IYD: variants seen among roughly 807,000 people sequenced by gnomAD.
IYD encodes the protein iodotyrosine deiodinase, also known as iodotyrosine deiodinase 1.
Under a neutral mutation model 28.4 loss-of-function variants are expected in IYD, and 25 were observed. The observed-to-expected ratio is 0.88, with a 90% CI of 0.64 to 1.23. IYD has a LOEUF of 1.23. IYD is among the 50% of genes most tolerant of loss of function. The pLI is 0.00. For missense variants in IYD, 352 were observed against 357.9 expected (o/e 0.98, Z 0.13); for synonymous variants, 140 against 130.8 (o/e 1.07, Z -0.48).
At chr6:150,391,875 A>C (rs1778132498) in intron 2 of IYD, among the ~76,000 whole-genome samples, 1 of 151,022 alleles carries the variant, frequency 6.6e-6, no homozygotes, top group Non-Finnish European at 1.5e-5. Context: ...CACCCGGGTA[A>C]TTTTTCTATT....
chr6:150,395,324 C>A, intron 4 of IYD: 2 of 1,063,594 alleles, frequency 1.9e-6, no homozygotes, highest in Non-Finnish European at 2.7e-6. Flanking sequence ...AGAGCTTCTT[C>A]ACTATCTCAA....
At chr6:150,391,354 A>G (rs1460934166) in intron 2 of IYD, among the ~76,000 whole-genome samples, 1 of 152,194 alleles carries the variant, frequency 6.6e-6, no homozygotes, top group East Asian at 1.9e-4. Flanking sequence ...TTGCCTTTTG[A>G]AGAGTGTTTT....
intron 2 of IYD, 87 bp downstream of exon 2, chr6:150,389,630 T>G: frequency 3.4e-6 from 4 of 1,175,096 alleles, no homozygotes; most frequent in Non-Finnish European, 3.8e-6. Flanking sequence ...AGTTTAAACA[T>G]AGCGAATAAA....
intron 3 of IYD, among the ~76,000 whole-genome samples, chr6:150,393,183 AGGGGG>A (rs1778188965): frequency 1.3e-5 from 2 of 152,212 alleles, no homozygotes. Context: ...CAATAACCAC[AGGGGG>A]TGGGTACACA....
At chr6:150,393,801 T>G (rs1177648092) in intron 3 of IYD, among the ~76,000 whole-genome samples, 1 of 152,218 alleles carries the variant, frequency 6.6e-6, no homozygotes, top group East Asian at 1.9e-4. Context: ...CTGCCATCCT[T>G]GCCTTCTCCC....
At chr6:150,381,796 A>G (rs1197239856) in intron 1 of IYD, among the ~76,000 whole-genome samples, 1 of 152,230 alleles carries the variant, frequency 6.6e-6, no homozygotes, top group Non-Finnish European at 1.5e-5. Flanking sequence ...TATAATGCAA[A>G]GCAGGTTAGG....
At chr6:150,370,735 TC>T (rs1414735186) in intron 1 of IYD, 2 of 881,890 alleles carry the variant, frequency 2.3e-6, no homozygotes, top group East Asian at 2.4e-4. Flanking sequence ...AAGGCGTGGA[TC>T]AGAGTAAAGT....
At chr6:150,398,012 C>T (rs767227607) in intron 4 of IYD, 43 bp from the exon 5 acceptor site, 14 of 1,568,404 alleles carry the variant, frequency 8.9e-6, no homozygotes, top group Non-Finnish European at 7.9e-6. Flanking sequence ...AGCAGTCATT[C>T]TGCCTGCTGA....
chr6:150,371,579 A>G (rs898863690), intron 1 of IYD, among the ~76,000 whole-genome samples: 10 of 152,232 alleles, frequency 6.6e-5, no homozygotes, highest in Non-Finnish European at 1.2e-4. Context: ...AACATAGAGC[A>G]GAACTGGAGG....
chr6:150,370,060 GA>G (rs1313537526), intron 1 of IYD: 1 of 702,054 alleles, frequency 1.4e-6, no homozygotes, highest in Non-Finnish European at 2.6e-6. Flanking sequence ...CTGTGTTTGA[GA>G]AGCTTTGTCT....
In IYD at chr6:150,402,738, A is replaced by G. The variant is rs908164951; in HGVS notation, c.*4501A>G. The G allele has an allele frequency of 6.6e-6, 1 of 152,202 alleles. No individual in the cohort carries two copies. The highest frequency in any genetic ancestry group is 1.5e-5 in the Non-Finnish European group (1 of 68,026). 9.4% of individuals were successfully genotyped at this position (152,202 alleles called of 1,614,324 possible). A position where few individuals can be genotyped will look rare whatever the true frequency, so the allele number is the denominator to read the frequency against. On this transcript the variant is annotated 3_prime_UTR_variant, in exon 5 of 5. Transcript: ENST00000344419. ...CTAGACATCTCTGCCTCTGTCCACA[A>G]AATGGAAACTTCCATCAAGGAGTAC... is the stretch of plus-strand genomic sequence containing the variant.
At position 150,396,600 on chromosome 6, in the gene IYD, T is replaced by C. The variant is rs576848485; in HGVS notation, c.688-1455T>C. 383 of 591,062 alleles carry C rather than the reference T, an allele frequency of 6.5e-4. 2 individuals carry two copies. Among genetic ancestry groups the C allele is most frequent in the South Asian group, 5.0e-3 (247 of 49,250 alleles). 36.6% of individuals were successfully genotyped at this position (591,062 alleles called of 1,614,324 possible). A position where few individuals can be genotyped will look rare whatever the true frequency, so the allele number is the denominator to read the frequency against. ...CAAAAAAGTTTAAGACTTGGCCAGG[T>C]GCGGTGGCTCACGCCTCTAATCCCA... On this transcript the variant is annotated intron_variant, in intron 4 of 4. Coordinates refer to ENST00000344419, the MANE Select transcript of IYD (RefSeq NM_203395.3).
At chr6:150,389,188 AAGATCAGTGGTAAG>A (rs1184324063) in intron 1 of IYD, among the ~76,000 whole-genome samples, 150 bp from the exon 2 acceptor site, 1 of 152,220 alleles carries the variant, frequency 6.6e-6, no homozygotes, top group East Asian at 1.9e-4. Context: ...AAGGATAGTC[AAGATCAGTGGTAAG>A]GATTCTGTAA....
In IYD at chr6:150,399,794, G is replaced by A. The variant is rs906100640; in HGVS notation, c.*1557G>A. On this transcript the variant is annotated 3_prime_UTR_variant, in exon 5 of 5. Coordinates refer to ENST00000344419, the MANE Select transcript of IYD (RefSeq NM_203395.3). ...TCTTATTGTGTCCTCGTGGTAGAAAGAGGGTTAGAGCCTCTGGCATGCCTT... is the reference window on the plus strand; with the variant it reads ...TCTTATTGTGTCCTCGTGGTAGAAAAAGGGTTAGAGCCTCTGGCATGCCTT... The A allele has an allele frequency of 6.6e-6, 1 of 152,168 alleles. No homozygotes were observed. The highest frequency in any genetic ancestry group is 2.4e-5 in the African/African-American group (1 of 41,418). The allele number at this position is 152,168 out of a possible 1,614,324, so 9.4% of individuals were successfully genotyped here.
rs898439769 is a variant in IYD at position 150,400,669 on chromosome 6, C to A, written c.*2432C>A. ...GGGGGACTGTCTTGTCCTTGCTACTCAAAGAGTGGTCCTGGGCCTGTATCA... is the reference window on the plus strand; with the variant it reads ...GGGGGACTGTCTTGTCCTTGCTACTAAAAGAGTGGTCCTGGGCCTGTATCA... On this transcript the variant is annotated 3_prime_UTR_variant, in exon 5 of 5. Coordinates refer to ENST00000344419, the MANE Select transcript of IYD (RefSeq NM_203395.3). 6.6e-6 allele frequency: 1 copy of A among 152,324 alleles called. No individual in the cohort carries two copies. The highest frequency in any genetic ancestry group is 2.1e-4 in the South Asian group (1 of 4,816). The allele number at this position is 152,324 out of a possible 1,614,324, so 9.4% of individuals were successfully genotyped here. A position where few individuals can be genotyped will look rare whatever the true frequency, so the allele number is the denominator to read the frequency against.
chr6:150,393,522 A>G (rs979821047), intron 3 of IYD, among the ~76,000 whole-genome samples: 20 of 152,268 alleles, frequency 1.3e-4, no homozygotes, highest in African/African-American at 4.8e-4. Flanking sequence ...AATGAATGAT[A>G]TAAGATATCC....
At position 150,404,116 on chromosome 6, in the gene IYD, C is replaced by T. The variant is rs975799619; in HGVS notation, c.*5879C>T. ...CTTATGACCAGAGATCCTAAGCAAC[C>T]TCTGCTCATCTGAGTTGTCCACCAT... On this transcript the variant is annotated 3_prime_UTR_variant, in exon 5 of 5. Transcript: ENST00000344419. 1 of 152,192 alleles carries T rather than the reference C, an allele frequency of 6.6e-6. No individual in the cohort carries two copies. Among genetic ancestry groups the T allele is most frequent in the East Asian group, 1.9e-4 (1 of 5,204 alleles). 9.4% of individuals were successfully genotyped at this position (152,192 alleles called of 1,614,324 possible). A position where few individuals can be genotyped will look rare whatever the true frequency, so the allele number is the denominator to read the frequency against.
rs1778566193 is a variant in IYD, at chr6:150,403,513, C to T, written c.*5276C>T. 6.6e-6 allele frequency: 1 copy of T among 152,154 alleles called. No individual in the cohort carries two copies. Among genetic ancestry groups the T allele is most frequent in the Admixed American group, 6.6e-5 (1 of 15,260 alleles). The allele number at this position is 152,154 out of a possible 1,614,324, so 9.4% of individuals were successfully genotyped here. On this transcript the variant is annotated 3_prime_UTR_variant, in exon 5 of 5. Coordinates refer to ENST00000344419, the MANE Select transcript of IYD (RefSeq NM_203395.3). The stretch of plus-strand genomic sequence containing the variant: ...TGGAGGTGGGAATGGTAAGGAACTC[C>T]CAGCAGGGTAGTGGAGGGAATGGGC...
chr6:150,391,269 G>T (rs1778110519), intron 2 of IYD, among the ~76,000 whole-genome samples: 1 of 150,168 alleles, frequency 6.7e-6, no homozygotes, highest in Non-Finnish European at 1.5e-5. Flanking sequence ...CCCAACTGTT[G>T]TGTGTCCCCA....
Sources: allele counts gnomAD v4.1 joint callset (sites outside exome capture counted in the v4.1 genomes callset), GRCh38; gene constraint gnomAD v4.1.1; transcripts MANE v1.5; gene names NCBI Gene and HGNC (gene_info 2026-07-23, HGNC 2026-07-21).